CCDC3: variants seen among roughly 807,000 people sequenced by gnomAD.
The protein encoded by CCDC3 is coiled-coil domain containing 3.
Under a neutral mutation model 21.4 loss-of-function variants are expected in CCDC3, and 24 were observed. The ratio of observed to expected loss-of-function variants is 1.12; its 90% CI spans 0.81 to 1.58. The LOEUF is 1.58. Ranked by LOEUF, CCDC3 falls within the 40% of genes most tolerant of loss-of-function variation. CCDC3 has a pLI of 0.00. For missense variants in CCDC3, 425 were observed against 360.9 expected (o/e 1.18, Z -1.44); for synonymous variants, 186 against 166.0 (o/e 1.12, Z -0.93).
chr10:12,997,735 G>A (rs1325179479), intron 2 of CCDC3, among the ~76,000 whole-genome samples: 1 of 152,048 alleles, frequency 6.6e-6, no homozygotes, highest in Non-Finnish European at 1.5e-5. Flanking sequence ...CACATGTATT[G>A]AGCACTTACT....
At chr10:12,921,209 A>G (rs77653451) in intron 2 of CCDC3, among the ~76,000 whole-genome samples, 8,020 of 152,298 alleles carry the variant, frequency 0.053, 237 homozygotes, top group Non-Finnish European at 0.071. Context: ...TGAATTAAGG[A>G]GGCAATTGAG....
At chr10:13,005,016 T>A (rs565384305), upstream of CCDC3, among the ~76,000 whole-genome samples, 3 of 152,268 alleles carry the variant, frequency 2.0e-5, no homozygotes, top group African/African-American at 7.2e-5. Flanking sequence ...AATCTTCTGA[T>A]CCTATTTCTT....
Position 12,998,504 on chromosome 10 carries a change from T to C in CCDC3, c.383A>G (p.Glu128Gly). ...YSYFFFLRMD[E>G]NYNLLPHGVN... ...TCCGTGAGGCAAGAGGTTATAATTT[T>C]CATCCATCCTAATGGAGGAAAAAAA... The change falls in exon 2 of 3, where the codon GAA becomes GGA. Residue 128 changes from glutamate to glycine, a missense_variant. Glu to Gly is a moderately conservative substitution (Grantham distance 98). Coordinates refer to ENST00000378825, the MANE Select transcript of CCDC3 (RefSeq NM_031455.4). 1 of 1,614,072 alleles carries C rather than the reference T, an allele frequency of 6.2e-7. No individual in the cohort carries two copies. The highest frequency in any genetic ancestry group is 8.5e-7 in the Non-Finnish European group (1 of 1,179,992).
intron 2 of CCDC3, among the ~76,000 whole-genome samples, chr10:12,977,804 A>G (rs535018): frequency 0.5 from 76,037 of 152,040 alleles, 19,132 homozygotes; most frequent in South Asian, 0.55. Context: ...AAAGAATTGC[A>G]TTTAAAAGGT....
At chr10:13,057,583 A>G (rs894941386) in intron 4 of CCDC3, among the ~76,000 whole-genome samples, 1 of 152,052 alleles carries the variant, frequency 6.6e-6, no homozygotes, top group Non-Finnish European at 1.5e-5. Flanking sequence ...ATCCTCATAG[A>G]AAATTGTTTG....
At chr10:12,984,683 T>C (rs10906275) in intron 2 of CCDC3, among the ~76,000 whole-genome samples, 13,505 of 152,208 alleles carry the variant, frequency 0.089, 700 homozygotes, top group East Asian at 0.15. Context: ...CAAAATGTGA[T>C]AGCACCATAC....
chr10:12,918,176 C>G (rs954328865), intron 2 of CCDC3, among the ~76,000 whole-genome samples: 1 of 152,150 alleles, frequency 6.6e-6, no homozygotes, highest in Admixed American at 6.5e-5. Flanking sequence ...CTGATCGGAC[C>G]CACCTTGTCC....
Position 13,036,232 on chromosome 10 carries a change from T to C in CCDC3, c.-2+13442A>G, listed in dbSNP as rs1836376061. Reference sequence around the variant, plus strand: ...AGGAGAACATGGAAGAAATATTGTGTTGGGGGATAAGAGATGTTGTCCTGA... The same window carrying C: ...AGGAGAACATGGAAGAAATATTGTGCTGGGGGATAAGAGATGTTGTCCTGA... On this transcript the variant is annotated intron_variant, in intron 5 of 6. Coordinates refer to the CCDC3 transcript ENST00000378839. Among the ~76,000 whole-genome samples, 3 of 152,152 alleles carry C rather than the reference T, an allele frequency of 2.0e-5. No individual in the cohort carries two copies. The South Asian group carries it at 6.2e-4, about 32-fold the overall frequency.
chr10:13,031,061 C>T (rs1836293737), intron 5 of CCDC3, among the ~76,000 whole-genome samples: 2 of 152,208 alleles, frequency 1.3e-5, no homozygotes, highest in Admixed American at 1.3e-4. Flanking sequence ...AGCACCACAT[C>T]ACACTTATTC....
chr10:13,034,653 T>C (rs912846564), intron 5 of CCDC3, among the ~76,000 whole-genome samples: 1 of 152,122 alleles, frequency 6.6e-6, no homozygotes, highest in Non-Finnish European at 1.5e-5. Flanking sequence ...TCCAGATTCC[T>C]CTAAACTATT....
intron 1 of CCDC3, among the ~76,000 whole-genome samples, chr10:12,999,649 A>G (rs1835816230): frequency 6.6e-6 from 1 of 152,326 alleles, no homozygotes; most frequent in Non-Finnish European, 1.5e-5. Context: ...TTCTGCCCTA[A>G]CTTTTGTAAA....
chr10:12,961,720 T>A (rs189240061), intron 2 of CCDC3, among the ~76,000 whole-genome samples: 10 of 152,258 alleles, frequency 6.6e-5, no homozygotes, highest in African/African-American at 2.4e-4. Context: ...CATTTCATGG[T>A]GGAAACAGAG....
intron 2 of CCDC3, among the ~76,000 whole-genome samples, chr10:12,912,747 G>A (rs1363020258): frequency 6.6e-6 from 1 of 152,098 alleles, no homozygotes; most frequent in Non-Finnish European, 1.5e-5. Flanking sequence ...ACAGTTTCAG[G>A]TCTACGCTTA....
At chr10:12,986,814 A>T (rs1281833439) in intron 2 of CCDC3, among the ~76,000 whole-genome samples, 1 of 152,090 alleles carries the variant, frequency 6.6e-6, no homozygotes, top group Admixed American at 6.5e-5. Flanking sequence ...ACAAAAAAGT[A>T]ATCCCTGTAA....
chr10:13,027,562 C>T (rs140012045), intron 5 of CCDC3, among the ~76,000 whole-genome samples: 143 of 152,056 alleles, frequency 9.4e-4, no homozygotes, highest in African/African-American at 3.2e-3. Flanking sequence ...CAACCATCCA[C>T]GCCCAGGGCA....
intron 3 of CCDC3, among the ~76,000 whole-genome samples, chr10:13,081,535 T>TC (rs1299035447): frequency 6.6e-6 from 1 of 152,180 alleles, no homozygotes; most frequent in East Asian, 1.9e-4. Flanking sequence ...TGTTCCAGGG[T>TC]CAAGCCCTAC....
Position 12,898,113 on chromosome 10 carries a change from C to A in CCDC3, c.*303G>T. ...TAGAGATTCTAAAATGTTCTCTCCC[C>A]AGTCAGGGCTCTTTCTGGGCTGCTC... On this transcript the variant is annotated 3_prime_UTR_variant, in exon 3 of 3. Coordinates refer to ENST00000378825, the MANE Select transcript of CCDC3 (RefSeq NM_031455.4). 2.5e-6 allele frequency: 1 copy of A among 395,574 alleles called. No homozygotes were observed. Among genetic ancestry groups the A allele is most frequent in the Non-Finnish European group, 4.5e-6 (1 of 220,768 alleles). The allele number at this position is 395,574 out of a possible 1,614,324, so 24.5% of individuals were successfully genotyped here. A position where few individuals can be genotyped will look rare whatever the true frequency, so the allele number is the denominator to read the frequency against.
intron 2 of CCDC3, among the ~76,000 whole-genome samples, chr10:12,985,161 TGA>T (rs940046167): frequency 1.4e-4 from 22 of 151,998 alleles, no homozygotes; most frequent in African/African-American, 5.3e-4. Flanking sequence ...TTATCCAGGG[TGA>T]GTTTGTGGCA....
chr10:12,964,601 G>A (rs1336683410), intron 2 of CCDC3, among the ~76,000 whole-genome samples: 3 of 152,278 alleles, frequency 2.0e-5, no homozygotes, highest in Non-Finnish European at 2.9e-5. Flanking sequence ...ATTAACCCGT[G>A]CCTGGAGCTA....
Sources: allele counts gnomAD v4.1 joint callset (sites outside exome capture counted in the v4.1 genomes callset), GRCh38; gene constraint gnomAD v4.1.1; transcripts MANE v1.5; gene names NCBI Gene and HGNC (gene_info 2026-07-23, HGNC 2026-07-21).